NRDE2: variants seen among roughly 807,000 people sequenced by gnomAD.
NRDE2 encodes the protein nuclear exosome regulator NRDE2.
In NRDE2, 76 loss-of-function variants were observed where a neutral mutation model predicts 124.2. The ratio of observed to expected loss-of-function variants is 0.61; its 90% CI spans 0.51 to 0.74. The LOEUF is 0.74. NRDE2 is among the 30% of genes least tolerant of loss of function. NRDE2 has a pLI of 0.00. For missense variants in NRDE2, 1,314 were observed against 1,417.3 expected (o/e 0.93, Z 1.17); for synonymous variants, 489 against 528.1 (o/e 0.93, Z 1.01).
At chr14:90,302,266 A>G (rs1884431661) in intron 6 of NRDE2, among the ~76,000 whole-genome samples, 1 of 152,202 alleles carries the variant, frequency 6.6e-6, no homozygotes, top group Admixed American at 6.5e-5. Flanking sequence ...CATTACTGTC[A>G]AAATTAATGT....
In NRDE2 at chr14:90,274,787, T is replaced by TACACACACACACACACACACACAC. The variant is rs144111170; in HGVS notation, c.*3525_*3548dup. The stretch of plus-strand genomic sequence containing the variant: ...CAGTATAGCCCTTTAAATAGGGAAC[T>TACACACACACACACACACACACAC]ACACACACACACACACACACACACA... On this transcript the variant is annotated 3_prime_UTR_variant, in exon 14 of 14. Transcript: ENST00000354366. 1 of 110,906 alleles carries TACACACACACACACACACACACAC rather than the reference T, an allele frequency of 9.0e-6. No homozygotes were observed. The highest frequency in any genetic ancestry group is 3.2e-5 in the African/African-American group (1 of 31,732). 6.9% of individuals were successfully genotyped at this position (110,906 alleles called of 1,614,324 possible).
At chr14:90,278,623 G>A in intron 13 of NRDE2, 162 bp from the exon 14 acceptor site, 1 of 790,398 alleles carries the variant, frequency 1.3e-6, no homozygotes, top group Non-Finnish European at 2.0e-6. Context: ...GGCAGCACTG[G>A]GCATGTTCAG....
chr14:90,326,376 C>G (rs1246486462), intron 1 of NRDE2, among the ~76,000 whole-genome samples: 2 of 151,846 alleles, frequency 1.3e-5, no homozygotes, highest in African/African-American at 2.4e-5. Context: ...CGCCTGTAGT[C>G]CCAGCTACTC....
chr14:90,311,236 T>C (rs1344603507), intron 4 of NRDE2, among the ~76,000 whole-genome samples: 1 of 152,248 alleles, frequency 6.6e-6, no homozygotes, highest in Admixed American at 6.5e-5. Context: ...ATCTGTAAAC[T>C]ATCTGGGAAC....
In NRDE2 at chr14:90,304,333, A is replaced by G. The variant is rs751153856; in HGVS notation, c.607T>C (p.Cys203Arg). 1 of 1,614,004 alleles carries G rather than the reference A, an allele frequency of 6.2e-7. No individual in the cohort carries two copies. The highest frequency in any genetic ancestry group is 1.1e-5 in the South Asian group (1 of 91,070). Residue 203 changes from cysteine to arginine, a missense_variant, in exon 5 of 14, where the codon TGC becomes CGC. By Grantham distance (180) the Cys-to-Arg change is radical. Coordinates refer to ENST00000354366, the MANE Select transcript of NRDE2 (RefSeq NM_017970.4). ...SCLGINPKKQCISWEGTSTEK... is the reference protein window; with the variant it reads ...SCLGINPKKQRISWEGTSTEK... ...GTGGAAGTCCCTTCCCAAGATATGC[A>G]CTGCTTCTTAGGGTTAATGCCAAGG...
chr14:90,285,344 C>T (rs1892073534), intron 12 of NRDE2, among the ~76,000 whole-genome samples: 1 of 118,638 alleles, frequency 8.4e-6, no homozygotes, highest in South Asian at 3.0e-4. Context: ...CTCTGTCGTT[C>T]AGGCTGGAGT....
chr14:90,303,138 A>G lies in NRDE2; in HGVS notation c.1006-13T>C. 1 of 1,597,908 alleles carries G rather than the reference A, an allele frequency of 6.3e-7. No individual in the cohort carries two copies. Among genetic ancestry groups the G allele is most frequent in the African/African-American group, 1.3e-5 (1 of 74,298 alleles). On this transcript the variant is annotated splice_polypyrimidine_tract_variant and intron_variant, in intron 5 of 13. Coordinates refer to ENST00000354366, the MANE Select transcript of NRDE2 (RefSeq NM_017970.4). ...TCATGACCTCGTCCTCAACAACAAA[A>G]ACACCAATTTACAAATGCAAATGGA...
At chr14:90,301,080 T>C (rs1233535457) in intron 7 of NRDE2, among the ~76,000 whole-genome samples, 159 bp downstream of exon 7, 1 of 151,560 alleles carries the variant, frequency 6.6e-6, no homozygotes, top group Non-Finnish European at 1.5e-5. Context: ...TTCTGAGAAT[T>C]CCTCCTCAGC....
chr14:90,282,867 A>G (rs1347497662), intron 12 of NRDE2, among the ~76,000 whole-genome samples: 1 of 152,136 alleles, frequency 6.6e-6, no homozygotes, highest in Non-Finnish European at 1.5e-5. Context: ...GGGTTTCTCC[A>G]TATTGGCCAG....
At position 90,274,244 on chromosome 14, in the gene NRDE2, G is replaced by C. The variant is rs10140761; in HGVS notation, c.*4092C>G. Reference sequence around the variant, plus strand: ...AGGGTGAGGCTGGCATCCGTGTGGGGTGTATGTGCAGGGCTGGGGTGGTCC... The same window carrying C: ...AGGGTGAGGCTGGCATCCGTGTGGGCTGTATGTGCAGGGCTGGGGTGGTCC... On this transcript the variant is annotated 3_prime_UTR_variant, in exon 14 of 14. Coordinates refer to ENST00000354366, the MANE Select transcript of NRDE2 (RefSeq NM_017970.4). 0.53 allele frequency: 82,642 copies of C among 155,442 alleles called. 22,913 individuals carry two copies. Among genetic ancestry groups the C allele is most frequent in the Non-Finnish European group, 0.6 (41,146 of 68,696 alleles). 9.6% of individuals were successfully genotyped at this position (155,442 alleles called of 1,614,324 possible).
At chr14:90,320,336 G>C (rs552417116) in intron 1 of NRDE2, among the ~76,000 whole-genome samples, 1 of 152,298 alleles carries the variant, frequency 6.6e-6, no homozygotes, top group South Asian at 2.1e-4. Flanking sequence ...GGCAACAGAG[G>C]AAAGAGTAAA....
chr14:90,280,651 T>C (rs57856205), intron 12 of NRDE2: 3,618 of 152,382 alleles, frequency 0.024, 140 homozygotes, highest in African/African-American at 0.083. Flanking sequence ...CTTCCGTCCA[T>C]GATTTCATCT....
At chr14:90,326,049 C>T (rs1006548175) in intron 1 of NRDE2, among the ~76,000 whole-genome samples, 10 of 152,090 alleles carry the variant, frequency 6.6e-5, no homozygotes, top group Non-Finnish European at 1.5e-4. Flanking sequence ...GGAAAGAGTC[C>T]AAATGTCCTT....
chr14:90,308,991 C>G (rs1884721473), intron 4 of NRDE2, among the ~76,000 whole-genome samples: 1 of 152,000 alleles, frequency 6.6e-6, no homozygotes, highest in Non-Finnish European at 1.5e-5. Flanking sequence ...GCCTGTAATC[C>G]CAGCACTTTG....
At chr14:90,319,404 G>A (rs1885163051) in intron 1 of NRDE2, among the ~76,000 whole-genome samples, 1 of 152,094 alleles carries the variant, frequency 6.6e-6, no homozygotes, top group African/African-American at 2.4e-5. Context: ...ACAGAGTTGT[G>A]TGGTCATCTT....
intron 4 of NRDE2, among the ~76,000 whole-genome samples, chr14:90,306,828 A>AGTT (rs1884620322): frequency 6.6e-6 from 1 of 151,718 alleles, no homozygotes; most frequent in Non-Finnish European, 1.5e-5. Flanking sequence ...AAAAAATAGC[A>AGTT]CTAATGTAGT....
intron 13 of NRDE2, chr14:90,278,767 C>CTGGG (rs1891871622): frequency 1.9e-6 from 1 of 536,222 alleles, no homozygotes; most frequent in Non-Finnish European, 3.3e-6. Context: ...CACAGCCAGG[C>CTGGG]TGGGACATGA....
Position 90,278,182 on chromosome 14 carries a change from A to G in NRDE2, c.*154T>C. The G allele has an allele frequency of 1.2e-6, 1 of 802,134 alleles. No homozygotes were observed. The highest frequency in any genetic ancestry group is 2.0e-6 in the Non-Finnish European group (1 of 510,478). The allele number at this position is 802,134 out of a possible 1,614,324, so 49.7% of individuals were successfully genotyped here. ...CATTTACACACCCAAAAAGTGTGCA[A>G]GATGTGAGAGGCTGGCAGCCCACAT... On this transcript the variant is annotated 3_prime_UTR_variant, in exon 14 of 14. Transcript: ENST00000354366.
chr14:90,279,540 G>T (rs1195639889), intron 12 of NRDE2: 1 of 161,844 alleles, frequency 6.2e-6, no homozygotes, highest in African/African-American at 2.4e-5. Flanking sequence ...ACATAGAGAA[G>T]ACACTTGCTT....
Sources: gnomAD v4.1 joint callset for allele counts (sites outside exome capture counted in the v4.1 genomes callset) on GRCh38, gnomAD v4.1.1 for gene constraint, MANE v1.5 for transcripts, NCBI Gene and HGNC (gene_info 2026-07-23, HGNC 2026-07-21) for gene names.